Variants in PKIA observed in about 807,000 individuals in gnomAD.
PKIA encodes PKI-alpha.
In PKIA, 4 loss-of-function variants were observed where a neutral mutation model predicts 7.6. The ratio of observed to expected loss-of-function variants is 0.52; its 90% confidence interval spans 0.26 to 1.20. PKIA has a LOEUF of 1.20. Ranked by LOEUF, PKIA falls within the 50% of genes most tolerant of loss-of-function variation. The pLI, the probability that PKIA is intolerant of heterozygous loss-of-function variation, is 0.13. For synonymous variants in PKIA, 21 were observed against 30.7 expected (o/e 0.68, Z 1.04); for missense variants, 73 against 86.2 (o/e 0.85, Z 0.61).
At chr8:78,562,866 T>G (rs1381414027) in intron 1 of PKIA, among the ~76,000 whole-genome samples, 1 of 151,886 alleles carries the variant, frequency 6.6e-6, no homozygotes, top group African/African-American at 2.4e-5. Context: ...GACTGGTATC[T>G]GGTAGATGCT....
At chr8:78,570,737 T>C (rs375702711) in intron 1 of PKIA, among the ~76,000 whole-genome samples, 2 of 152,174 alleles carry the variant, frequency 1.3e-5, no homozygotes, top group Non-Finnish European at 2.9e-5. Flanking sequence ...CTTCTTTTTT[T>C]ACACCCCTCT....
At chr8:78,518,322 TA>T (rs1809354363) in intron 1 of PKIA, among the ~76,000 whole-genome samples, 1 of 152,224 alleles carries the variant, frequency 6.6e-6, no homozygotes. Context: ...TTTGAAATAT[TA>T]ACTTCTTGAG....
intron 1 of PKIA, among the ~76,000 whole-genome samples, chr8:78,566,477 T>G (rs1251182371): frequency 1.3e-5 from 2 of 152,008 alleles, no homozygotes; most frequent in Non-Finnish European, 2.9e-5. Context: ...ATTTCCCCTG[T>G]GGAGATTAGA....
At chr8:78,590,358 C>T (rs990454996) in intron 2 of PKIA, among the ~76,000 whole-genome samples, 4 of 151,018 alleles carry the variant, frequency 2.6e-5, no homozygotes, top group Non-Finnish European at 4.4e-5. Context: ...ACAATGGGAA[C>T]TTTCTAAAGG....
At chr8:78,595,435 C>T (rs542560141) in intron 2 of PKIA, among the ~76,000 whole-genome samples, 2 of 152,208 alleles carry the variant, frequency 1.3e-5, no homozygotes, top group East Asian at 1.9e-4. Context: ...TTGTTTGTTT[C>T]ACCTTCCAAC....
chr8:78,585,020 G>T lies in PKIA; in HGVS notation c.-28+12081G>T, dbSNP rs1191799264. On this transcript the variant is annotated intron_variant, in intron 2 of 3. Transcript: ENST00000396418. ...GCTGCTTGATATTGATAGTAATTTT[G>T]ATAATATACAACATGTCATGATTTT... Among the ~76,000 whole-genome samples the T allele has an allele frequency of 2.0e-5, 3 of 151,894 alleles. 1 individual carries two copies.
chr8:78,572,661 G>A (rs1807581232), intron 1 of PKIA, 150 bp from the exon 2 acceptor site: 1 of 151,846 alleles, frequency 6.6e-6, no homozygotes, highest in Admixed American at 6.6e-5. Flanking sequence ...TCACGTGTTT[G>A]TGTTGTGAGA....
chr8:78,548,322 T>C (rs1016717568), intron 1 of PKIA, among the ~76,000 whole-genome samples: 1 of 152,180 alleles, frequency 6.6e-6, no homozygotes, highest in African/African-American at 2.4e-5. Flanking sequence ...CCTAGTGTAA[T>C]TGCATTTAAA....
At chr8:78,537,135 CTT>C (rs1806547625) in intron 1 of PKIA, among the ~76,000 whole-genome samples, 1 of 150,770 alleles carries the variant, frequency 6.6e-6, no homozygotes, top group Admixed American at 6.6e-5. Context: ...TGTACCAGCT[CTT>C]TTCTTCCCAA....
At chr8:78,540,673 T>C (rs1204245509) in intron 1 of PKIA, among the ~76,000 whole-genome samples, 2 of 152,048 alleles carry the variant, frequency 1.3e-5, no homozygotes, top group African/African-American at 4.8e-5. Flanking sequence ...AGGGACTTCT[T>C]TCAGTTGTTA....
chr8:78,553,394 A>G (rs1050075498), intron 1 of PKIA, among the ~76,000 whole-genome samples: 5 of 151,530 alleles, frequency 3.3e-5, no homozygotes, highest in Admixed American at 1.3e-4. Context: ...CTCATCTATA[A>G]AATAAGACTT....
At chr8:78,561,188 T>A (rs924541320) in intron 1 of PKIA, among the ~76,000 whole-genome samples, 1 of 152,102 alleles carries the variant, frequency 6.6e-6, no homozygotes, top group Non-Finnish European at 1.5e-5. Flanking sequence ...ATTATACATA[T>A]AAGAAACTAT....
intron 1 of PKIA, among the ~76,000 whole-genome samples, chr8:78,539,731 AT>A (rs1260581525): frequency 6.6e-6 from 1 of 152,072 alleles, no homozygotes; most frequent in East Asian, 1.9e-4. Context: ...CAGTGCTTAA[AT>A]TTAAAGGGTA....
chr8:78,570,264 A>G (rs1022873629), intron 1 of PKIA, among the ~76,000 whole-genome samples: 1 of 152,138 alleles, frequency 6.6e-6, no homozygotes, highest in Non-Finnish European at 1.5e-5. Flanking sequence ...ACATAAAGAG[A>G]AAGGAAAAAA....
At chr8:78,533,635 T>C (rs1049915641) in intron 1 of PKIA, among the ~76,000 whole-genome samples, 1 of 151,722 alleles carries the variant, frequency 6.6e-6, no homozygotes, top group African/African-American at 2.4e-5. Context: ...GATGGAGGAG[T>C]GCTTGAAGCC....
chr8:78,528,072 A>G (rs772553594), intron 1 of PKIA, among the ~76,000 whole-genome samples: 9 of 152,214 alleles, frequency 5.9e-5, no homozygotes, highest in Non-Finnish European at 1.0e-4. Context: ...TTCTTTTTCT[A>G]TACTTACTGC....
intron 2 of PKIA, among the ~76,000 whole-genome samples, chr8:78,592,139 C>G (rs954209029): frequency 1.3e-5 from 2 of 151,888 alleles, no homozygotes; most frequent in African/African-American, 4.8e-5. Flanking sequence ...AAAATAGCCA[C>G]TAGGCAGGTA....
chr8:78,542,542 T>G (rs1041798243), intron 1 of PKIA, among the ~76,000 whole-genome samples: 2 of 152,212 alleles, frequency 1.3e-5, no homozygotes, highest in Non-Finnish European at 2.9e-5. Context: ...CTATCTGTTC[T>G]GCAAATTAAT....
At chr8:78,546,802 G>A (rs1806835779) in intron 1 of PKIA, among the ~76,000 whole-genome samples, 1 of 152,116 alleles carries the variant, frequency 6.6e-6, no homozygotes, top group Non-Finnish European at 1.5e-5. Context: ...ACCAGCTACT[G>A]AAGACAGAGG....
Sources: gnomAD v4.1 joint callset for allele counts (sites outside exome capture counted in the v4.1 genomes callset) on GRCh38, gnomAD v4.1.1 for gene constraint, MANE v1.5 for transcripts, NCBI Gene and HGNC (gene_info 2026-07-23, HGNC 2026-07-21) for gene names.